The following ACOX1 variants were observed in gnomAD, a reference collection of about 807,000 sequenced individuals.
ACOX1 encodes peroxisomal acyl-coenzyme A oxidase 1.
A neutral mutation model predicts 75.5 loss-of-function variants in ACOX1; 41 were observed. The ratio of observed to expected loss-of-function variants is 0.54; its 90% CI spans 0.42 to 0.70. ACOX1 has a LOEUF of 0.70. ACOX1 is among the 30% of genes least tolerant of loss of function. The probability of loss-of-function intolerance (pLI) is 0.00; values close to 1 mark genes in which losing one functional copy is unlikely to be tolerated. For missense variants in ACOX1, 630 were observed against 837.5 expected, an observed-to-expected ratio of 0.75 and a Z score of 3.06; for synonymous variants, 303 against 298.8, an observed-to-expected ratio of 1.01 and a Z score of -0.15.
intron 2 of ACOX1, among the ~76,000 whole-genome samples, chr17:75,967,617 TAC>T (rs375248467): frequency 7.6e-6 from 1 of 130,910 alleles, no homozygotes; most frequent in Non-Finnish European, 1.5e-5. Context: ...TATATATACA[TAC>T]ATATATATAT....
In ACOX1 at chr17:75,978,852, G is replaced by C; in HGVS notation, c.109+113C>G. 6.3e-7 allele frequency: 1 copy of C among 1,597,494 alleles called. No homozygotes were observed. The highest frequency in any genetic ancestry group is 2.2e-5 in the East Asian group (1 of 44,788). On this transcript the variant is annotated intron_variant, in intron 1 of 13. Coordinates refer to ENST00000293217, the MANE Select transcript of ACOX1 (RefSeq NM_004035.7). The surrounding 1 kb of genome is among the most constrained non-coding windows in gnomAD (Gnocchi z 4.2). ...GCTGTTCCTCGAAGTGGGGGTCCCGGCTCCCCTAACGCTGGGCCAGAGGGC... is the reference window on the plus strand; with the variant it reads ...GCTGTTCCTCGAAGTGGGGGTCCCGCCTCCCCTAACGCTGGGCCAGAGGGC...
At chr17:75,967,222 G>A (rs1222563586) in intron 2 of ACOX1, among the ~76,000 whole-genome samples, 1 of 152,142 alleles carries the variant, frequency 6.6e-6, no homozygotes, top group Non-Finnish European at 1.5e-5. Flanking sequence ...TGTAATCCTA[G>A]CACTTTGGGA....
In ACOX1 at chr17:75,949,754, T is replaced by C; in HGVS notation, c.1442A>G (p.Glu481Gly). 1 of 1,614,176 alleles carries C rather than the reference T, an allele frequency of 6.2e-7. No individual in the cohort carries two copies. Among genetic ancestry groups the C allele is most frequent in the Non-Finnish European group, 8.5e-7 (1 of 1,180,034 alleles). ...WPTMVDINSP[E>G]SLTEAYKLRA... ...GAGTTTATATGCTTCGGTTAGGCTT[T>C]CGGGGCTGTTGATATCCACCATGGT... The change falls in exon 10 of 14, where the codon GAA becomes GGA. Residue 481 changes from glutamate to glycine, a missense_variant. By Grantham distance (98) the Glu-to-Gly change is moderately conservative. Transcript: ENST00000293217.
chr17:75,970,233 C>T (rs1021563238), intron 2 of ACOX1, among the ~76,000 whole-genome samples: 1 of 140,460 alleles, frequency 7.1e-6, no homozygotes, highest in Non-Finnish European at 1.5e-5. Flanking sequence ...AGCAAGCAAG[C>T]AAACAAGGAA....
intron 3 of ACOX1, among the ~76,000 whole-genome samples, chr17:75,959,007 G>T (rs141355995): frequency 1.2e-3 from 183 of 152,192 alleles, no homozygotes; most frequent in African/African-American, 4.3e-3. Context: ...TACTGGGATA[G>T]ACAGGATCTT....
chr17:75,973,791 G>A (rs1447519270), intron 2 of ACOX1: 2 of 1,613,742 alleles, frequency 1.2e-6, no homozygotes, highest in Non-Finnish European at 1.7e-6. Flanking sequence ...GTAGTCTACA[G>A]GAGAGAAGAG....
intron 4 of ACOX1, among the ~76,000 whole-genome samples, chr17:75,957,125 G>GACAAAA (rs2065841137): frequency 6.8e-6 from 1 of 147,910 alleles, no homozygotes; most frequent in East Asian, 2.0e-4. Context: ...TTGCTGTGAT[G>GACAAAA]CCCAGGCTGG....
chr17:75,962,266 G>A (rs1260487544), intron 2 of ACOX1, among the ~76,000 whole-genome samples: 2 of 152,094 alleles, frequency 1.3e-5, no homozygotes, highest in South Asian at 2.1e-4. Flanking sequence ...TAAGCTCTCC[G>A]TGACAATTAT....
chr17:75,962,725 G>A (rs1160084241), intron 2 of ACOX1, among the ~76,000 whole-genome samples: 3 of 152,202 alleles, frequency 2.0e-5, no homozygotes, highest in Non-Finnish European at 4.4e-5. Flanking sequence ...AATTAAGGCT[G>A]AGATGAATTA....
chr17:75,958,603 TC>T lies in ACOX1; in HGVS notation c.431-1038del, dbSNP rs766811190. ...GCGGGCGGATCACAAAGTCAGGAGA[TC>T]GAGACCATCCTGGTTAACACGGCGA... On this transcript the variant is annotated intron_variant, in intron 3 of 13. Coordinates refer to ENST00000293217, the MANE Select transcript of ACOX1 (RefSeq NM_004035.7). 1.8e-4 allele frequency among the ~76,000 whole-genome samples: 28 copies of T among 151,400 alleles called. 1 individual carries two copies. The highest frequency in any genetic ancestry group is 3.9e-4 in the East Asian group (2 of 5,146).
At position 75,946,338 on chromosome 17, in the gene ACOX1, A is replaced by G. The variant is rs988447070; in HGVS notation, c.*410T>C. On this transcript the variant is annotated 3_prime_UTR_variant, in exon 14 of 14. Transcript: ENST00000293217. ...AAGTCTGGTAGAACACTGAGCAGGA[A>G]AGCTTGGAAGGGTTCTACACCACTT... 3.5e-5 allele frequency: 9 copies of G among 253,752 alleles called. No homozygotes were observed. The highest frequency in any genetic ancestry group is 4.7e-5 in the Non-Finnish European group (6 of 128,366). 15.7% of individuals were successfully genotyped at this position (253,752 alleles called of 1,614,324 possible).
chr17:75,956,949 CTCTCTCTCTCTCTCTCTCTCTCTATATA>C lies in ACOX1; in HGVS notation c.538+482_538+509del, dbSNP rs1373360878. Among the ~76,000 whole-genome samples the C allele has an allele frequency of 3.6e-3, 118 of 33,220 alleles. 1 individual carries two copies. The highest frequency in any genetic ancestry group is 0.016 in the African/African-American group (96 of 5,878). 21.8% of individuals were successfully genotyped at this position (33,220 alleles called of 152,430 possible). On this transcript the variant is annotated intron_variant, in intron 4 of 13. Coordinates refer to ENST00000293217, the MANE Select transcript of ACOX1 (RefSeq NM_004035.7). ...TCTCTCTCTCTCTCTCTCTCTCTCT[CTCTCTCTCTCTCTCTCTCTCTCTATATA>C]TATATATATATATATATATATATAT...
At position 75,956,462 on chromosome 17, in the gene ACOX1, G is replaced by A. The variant is rs193040164; in HGVS notation, c.539-515C>T. Among the ~76,000 whole-genome samples the A allele has an allele frequency of 1.4e-4, 21 of 152,074 alleles. No individual in the cohort carries two copies. In the East Asian group the frequency reaches 2.7e-3, roughly 20 times the overall value. On this transcript the variant is annotated intron_variant, in intron 4 of 13. Transcript: ENST00000293217. Reference sequence around the variant, plus strand: ...TTCCAGCACTTTGGGAGGCCGAGGCGGGCAGACCAGAGGTCAGGAGTTTGA... The same window carrying A: ...TTCCAGCACTTTGGGAGGCCGAGGCAGGCAGACCAGAGGTCAGGAGTTTGA...
chr17:75,949,589 A>C lies in ACOX1; in HGVS notation c.1490T>G (p.Ile497Ser). The change falls in exon 11 of 14, where the codon ATT becomes AGT. Residue 497 changes from isoleucine (I) to serine (S), a missense_variant. Physicochemically the swap from Ile to Ser is moderately radical, Grantham distance 142. Around this residue, in one of 2 missense-constraint regions of ACOX1, gnomAD observed 240 missense variants for 262.7 expected, o/e 0.91. Coordinates refer to ENST00000293217, the MANE Select transcript of ACOX1 (RefSeq NM_004035.7). ...TTCTTTTTGAAGGTTTTTTGCAGCAATTTCTACTAATCTGTTAAGACATAG... is the reference window on the plus strand; with the variant it reads ...TTCTTTTTGAAGGTTTTTTGCAGCACTTTCTACTAATCTGTTAAGACATAG... ...YKLRAARLVE[I>S]AAKNLQKEVI... is the part of the protein sequence containing the mutation. 1 of 1,614,060 alleles carries C rather than the reference A, an allele frequency of 6.2e-7. No homozygotes were observed. Among genetic ancestry groups the C allele is most frequent in the Non-Finnish European group, 8.5e-7 (1 of 1,179,996 alleles).
intron 2 of ACOX1, among the ~76,000 whole-genome samples, chr17:75,967,701 T>C (rs1279423253): frequency 7.5e-6 from 1 of 133,594 alleles, no homozygotes; most frequent in Non-Finnish European, 1.5e-5. Flanking sequence ...TACATACATA[T>C]ATATACATAT....
In ACOX1 at chr17:75,978,718, A is replaced by G. The variant is rs1451368088; in HGVS notation, c.110-25T>C. On this transcript the variant is annotated intron_variant, in intron 1 of 13. Coordinates refer to ENST00000293217, the MANE Select transcript of ACOX1 (RefSeq NM_004035.7). This position sits in a 1 kb window ranked among gnomAD's most constrained non-coding sequence, Gnocchi z 4.2. ...TCTGAAAGGGGGTTAAAGGGCATTA[A>G]AAGGCAGACAGACACTCGGGCCTCC... The G allele has an allele frequency of 6.2e-7, 1 of 1,612,654 alleles. No individual in the cohort carries two copies. Among genetic ancestry groups the G allele is most frequent in the Admixed American group, 1.7e-5 (1 of 60,016 alleles).
chr17:75,957,049 A>C lies in ACOX1; in HGVS notation c.538+410T>G, dbSNP rs562402252. On this transcript the variant is annotated intron_variant, in intron 4 of 13. Coordinates refer to ENST00000293217, the MANE Select transcript of ACOX1 (RefSeq NM_004035.7). ...TCTCTGTCTATATACACACACACAC[A>C]CCCCTCTATGTACACACACCACACA... is the stretch of plus-strand genomic sequence containing the variant. 3.6e-5 allele frequency among the ~76,000 whole-genome samples: 5 copies of C among 140,492 alleles called. No individual in the cohort carries two copies. In the East Asian group the frequency reaches 1.0e-3, roughly 29 times the overall value. The allele number at this position is 140,492 out of a possible 152,430, so 92.2% of individuals were successfully genotyped here.
chr17:75,945,938 T>C lies in ACOX1; in HGVS notation c.*810A>G, dbSNP rs2065716242. On this transcript the variant is annotated 3_prime_UTR_variant, in exon 14 of 14. Coordinates refer to ENST00000293217, the MANE Select transcript of ACOX1 (RefSeq NM_004035.7). ...CCAAATACAGTAATCTCCAAGCTTT[T>C]AATGGCTTATGCCAAGATGACAGAA... The C allele has an allele frequency of 6.6e-6, 1 of 152,174 alleles. No individual in the cohort carries two copies. The allele number at this position is 152,174 out of a possible 1,614,324, so 9.4% of individuals were successfully genotyped here. A position where few individuals can be genotyped will look rare whatever the true frequency, so the allele number is the denominator to read the frequency against.
At chr17:75,948,135 A>G (rs1054102559) in intron 13 of ACOX1, 116 bp downstream of exon 13, 16 of 1,011,124 alleles carry the variant, frequency 1.6e-5, no homozygotes, top group Admixed American at 7.8e-5. Flanking sequence ...AGTGACTGTC[A>G]GAAGTGGCCA....
Sources: allele counts gnomAD v4.1 joint callset (sites outside exome capture counted in the v4.1 genomes callset), GRCh38; gene constraint gnomAD v4.1.1; regional missense constraint gnomAD v4.1.1; non-coding constraint Gnocchi (gnomAD v3.1); transcripts MANE v1.5; gene names NCBI Gene and HGNC (gene_info 2026-07-23, HGNC 2026-07-21).